DSTN: variants seen among roughly 807,000 people sequenced by gnomAD.
DSTN encodes the protein destrin, actin depolymerizing factor, also known as destrin.
In DSTN, 10 loss-of-function variants were observed where a neutral mutation model predicts 16.8. That is an observed-to-expected ratio of 0.60 (90% CI 0.37 to 1.01). The LOEUF (loss-of-function observed/expected upper bound fraction) is 1.01. Among genes scored for constraint, DSTN ranks in the 50% least tolerant of loss-of-function variants. The probability of loss-of-function intolerance (pLI) is 0.01; values close to 1 mark genes in which losing one functional copy is unlikely to be tolerated. For missense variants in DSTN, 141 were observed against 196.7 expected, an observed-to-expected ratio of 0.72 and a Z score of 1.69; for synonymous variants, 57 against 58.9, an observed-to-expected ratio of 0.97 and a Z score of 0.14.
At chr20:17,587,416 C>A (rs898789650) in intron 1 of DSTN, among the ~76,000 whole-genome samples, 1 of 152,150 alleles carries the variant, frequency 6.6e-6, no homozygotes, top group African/African-American at 2.4e-5. Context: ...GCATGTGCCA[C>A]CACACCTGGT....
chr20:17,583,014 C>A (rs1450826272), intron 1 of DSTN, among the ~76,000 whole-genome samples: 1 of 152,156 alleles, frequency 6.6e-6, no homozygotes, highest in African/African-American at 2.4e-5. Context: ...ACTCAACAAT[C>A]AAAAACCCAC....
In DSTN at chr20:17,592,040, G is replaced by A. The variant is rs115150380; in HGVS notation, c.4-8698G>A. On this transcript the variant is annotated intron_variant, in intron 1 of 3. Transcript: ENST00000246069. ...AGTTTAGAAGAAGGTCAGAGCCCTG[G>A]GCAGTGTTGGGCCAGGCTTTAGGGT... 130 of 985,396 alleles carry A rather than the reference G, an allele frequency of 1.3e-4. 1 individual carries two copies. In the African/African-American group the frequency reaches 2.0e-3, roughly 15 times the overall value. 61.0% of individuals were successfully genotyped at this position (985,396 alleles called of 1,614,324 possible). A position where few individuals can be genotyped will look rare whatever the true frequency, so the allele number is the denominator to read the frequency against.
chr20:17,582,650 A>G (rs893800231), intron 1 of DSTN, among the ~76,000 whole-genome samples: 2 of 152,218 alleles, frequency 1.3e-5, no homozygotes, highest in Admixed American at 6.5e-5. Flanking sequence ...GGATATCCGC[A>G]TGCAAAAGAA....
chr20:17,603,927 A>G (rs776085865), intron 2 of DSTN, among the ~76,000 whole-genome samples: 2 of 152,198 alleles, frequency 1.3e-5, no homozygotes, highest in Non-Finnish European at 2.9e-5. Context: ...TGGGATCAAA[A>G]CCTGCTATTG....
chr20:17,604,579 A>T lies in DSTN; in HGVS notation c.336A>T (p.Lys112Asn), dbSNP rs2035621681. The change falls in exon 3 of 4, where the codon AAA (lysine) becomes AAT (asparagine). Residue 112 changes from lysine (K) to asparagine (N), a missense_variant. Transcript: ENST00000246069. ...GGGCACCAGAACTAGCACCTCTGAA[A>T]AGTAAAATGATCTATGCAAGCTCCA... ...FLWAPELAPLKSKMIYASSKD... is the reference protein window; with the variant it reads ...FLWAPELAPLNSKMIYASSKD... The T allele has an allele frequency of 6.2e-7, 1 of 1,613,104 alleles. No homozygotes were observed. Among genetic ancestry groups the T allele is most frequent in the Non-Finnish European group, 8.5e-7 (1 of 1,179,834 alleles).
At chr20:17,583,731 G>GTTTTTTTTTTTTTTTTTT (rs74172899) in intron 1 of DSTN, among the ~76,000 whole-genome samples, 4 of 28,016 alleles carry the variant, frequency 1.4e-4, no homozygotes, top group South Asian at 2.0e-3. Flanking sequence ...TGGGTTTGGA[G>GTTTTTTTTTTTTTTTTTT]TTTCTTTTTT....
chr20:17,596,904 A>G (rs1309012458), intron 1 of DSTN: 2 of 754,482 alleles, frequency 2.7e-6, no homozygotes, highest in African/African-American at 3.8e-5. Flanking sequence ...ATCAGAATTT[A>G]GAATGTTTGA....
At position 17,600,031 on chromosome 20, in the gene DSTN, G is replaced by T. The variant is rs143854507; in HGVS notation, c.4-707G>T. ...CTGGTTTAAGATCTTGTGCTATCAA[G>T]ATTTTGTTTAACTGTCCTTCAGCCC... On this transcript the variant is annotated intron_variant, in intron 1 of 3. Coordinates refer to ENST00000246069, the MANE Select transcript of DSTN (RefSeq NM_006870.4). Among the ~76,000 whole-genome samples the T allele has an allele frequency of 2.7e-3, 404 of 152,328 alleles. 2 individuals are homozygous for T. The highest frequency in any genetic ancestry group is 8.8e-3 in the African/African-American group (366 of 41,586).
At chr20:17,596,511 C>G (rs2035528195) in intron 1 of DSTN, 1 of 511,952 alleles carries the variant, frequency 2.0e-6, no homozygotes, top group Non-Finnish European at 2.5e-6. Flanking sequence ...TGATACCACT[C>G]TTTTGTGTCT....
chr20:17,580,895 A>C (rs745974850), intron 1 of DSTN, among the ~76,000 whole-genome samples: 5 of 152,222 alleles, frequency 3.3e-5, no homozygotes, highest in African/African-American at 4.8e-5. Context: ...CTTAAGTAGA[A>C]GGGCCTGTAG....
intron 1 of DSTN, among the ~76,000 whole-genome samples, chr20:17,583,922 C>A (rs550886258): frequency 4.6e-5 from 7 of 151,590 alleles, no homozygotes; most frequent in Admixed American, 1.3e-4. Context: ...GTTTTTTTGT[C>A]AAGATGAGGT....
chr20:17,580,697 G>A (rs1028582401), intron 1 of DSTN, among the ~76,000 whole-genome samples: 1 of 151,600 alleles, frequency 6.6e-6, no homozygotes, highest in Non-Finnish European at 1.5e-5. Flanking sequence ...GCAGTGAGCC[G>A]AGATCGTGCC....
intron 1 of DSTN, among the ~76,000 whole-genome samples, chr20:17,593,287 A>G (rs986068925): frequency 3.3e-5 from 5 of 152,188 alleles, no homozygotes; most frequent in Non-Finnish European, 7.3e-5. Context: ...GGAATAATGT[A>G]TATTCTACCA....
chr20:17,597,452 T>G (rs1293664551), intron 1 of DSTN, among the ~76,000 whole-genome samples: 1 of 152,214 alleles, frequency 6.6e-6, no homozygotes. Flanking sequence ...TGTTTTAAAG[T>G]GACAACTTTA....
chr20:17,577,163 G>T (rs1003456819), intron 1 of DSTN, among the ~76,000 whole-genome samples: 19 of 152,180 alleles, frequency 1.2e-4, no homozygotes, highest in African/African-American at 4.6e-4. Flanking sequence ...ATCTCATTAT[G>T]TATATGCAAA....
chr20:17,588,771 G>A (rs753319366), intron 1 of DSTN, among the ~76,000 whole-genome samples: 9 of 152,148 alleles, frequency 5.9e-5, no homozygotes, highest in Non-Finnish European at 1.2e-4. Flanking sequence ...GCAACAGAGC[G>A]AGACTCTGTC....
At chr20:17,592,408 T>C (rs2035478903) in intron 1 of DSTN, among the ~76,000 whole-genome samples, 1 of 143,680 alleles carries the variant, frequency 7.0e-6, no homozygotes, top group Admixed American at 7.1e-5. Flanking sequence ...CCAGCCTGGA[T>C]GACACAGAGA....
At chr20:17,576,193 A>G (rs1006585483) in intron 1 of DSTN, 2 of 152,232 alleles carry the variant, frequency 1.3e-5, no homozygotes, top group Non-Finnish European at 2.9e-5. Flanking sequence ...TAGCTCCAAG[A>G]TTAGTCTTCT....
intron 1 of DSTN, among the ~76,000 whole-genome samples, chr20:17,600,434 A>G (rs543254534): frequency 4.1e-4 from 62 of 152,212 alleles, no homozygotes; most frequent in Non-Finnish European, 8.5e-4. Context: ...AGCAACCTGT[A>G]TAAGAAGAAA....
Sources: allele counts gnomAD v4.1 joint callset (sites outside exome capture counted in the v4.1 genomes callset), GRCh38; gene constraint gnomAD v4.1.1; transcripts MANE v1.5; gene names NCBI Gene and HGNC (gene_info 2026-07-23, HGNC 2026-07-21).